The following SEC31B variants were observed in gnomAD, a reference collection of about 807,000 sequenced individuals.
SEC31B encodes the protein SEC31 homolog B, COPII component, also known as protein transport protein Sec31B.
SEC31B carries 113 observed loss-of-function variants against 135.0 expected under a neutral mutation model. The observed-to-expected ratio is 0.84, with a 90% confidence interval of 0.72 to 0.98. The LOEUF (loss-of-function observed/expected upper bound fraction) is 0.98. Among genes scored for constraint, SEC31B ranks in the 50% least tolerant of loss-of-function variants. The pLI, the probability that SEC31B is intolerant of heterozygous loss-of-function variation, is 0.00. For synonymous variants in SEC31B, 508 were observed against 549.4 expected, an observed-to-expected ratio of 0.92 and a Z score of 1.05; for missense variants, 1,296 against 1,421.1, an observed-to-expected ratio of 0.91 and a Z score of 1.42.
intron 13 of SEC31B, 43 bp from the exon 14 acceptor site, chr10:100,498,847 AAGAC>A (rs1851464082): frequency 3.5e-6 from 5 of 1,442,436 alleles, no homozygotes; most frequent in Non-Finnish European, 4.9e-6. Flanking sequence ...GGATGAACCC[AAGAC>A]AGACAGAGAG....
Position 100,518,198 on chromosome 10 carries a change from CACTTCA to C in SEC31B, c.-45-1207_-45-1202del, listed in dbSNP as rs894244953. Among the ~76,000 whole-genome samples the C allele has an allele frequency of 2.6e-5, 4 of 152,310 alleles. No individual in the cohort carries two copies. The South Asian group carries it at 8.3e-4, about 32-fold the overall frequency. On this transcript the variant is annotated intron_variant, in intron 1 of 25. Coordinates refer to ENST00000370345, the MANE Select transcript of SEC31B (RefSeq NM_015490.4). ...GCCCTGCCCAAAGGCTCCAGCCTACCACTTCAACTTCATCTTTTAATACTTTTCTCA... is the reference window on the plus strand; with the variant it reads ...GCCCTGCCCAAAGGCTCCAGCCTACCACTTCATCTTTTAATACTTTTCTCA...
At chr10:100,500,050 G>A (rs1851489051) in intron 11 of SEC31B, 1 of 456,636 alleles carries the variant, frequency 2.2e-6, no homozygotes, top group South Asian at 1.6e-5. Context: ...TTTTAGAATT[G>A]GTACAAGAGA....
rs1256402745 is a variant in SEC31B at position 100,495,433 on chromosome 10, G to A, written c.2424C>T (p.His808=). 1 of 1,614,106 alleles carries A rather than the reference G, an allele frequency of 6.2e-7. No homozygotes were observed. The highest frequency in any genetic ancestry group is 1.1e-5 in the South Asian group (1 of 91,050). ...ATCTGTAAGATGATGTCTCTTTAGA[G>A]TGGAGGGTAGCTCCCACAACAATCC... ...FPRIVVGATL[H]SKETSSYRLG... is the part of the protein sequence containing the mutation. Residue 808 remains histidine, a synonymous_variant, in exon 19 of 26, where the codon CAC becomes CAT. Coordinates refer to ENST00000370345, the MANE Select transcript of SEC31B (RefSeq NM_015490.4).
At chr10:100,507,386 C>T (rs752941371) in intron 7 of SEC31B, 39 bp downstream of exon 7, 2 of 1,613,696 alleles carry the variant, frequency 1.2e-6, no homozygotes, top group South Asian at 1.1e-5. Flanking sequence ...GTTATATCCA[C>T]CATCCCCCCA....
In SEC31B at chr10:100,497,728, C is replaced by A. The variant is rs1258199159; in HGVS notation, c.1929G>T (p.Trp643Cys). The change falls in exon 16 of 26, where the codon TGG becomes TGT. Residue 643 changes from tryptophan (W) to cysteine (C), a missense_variant. Transcript: ENST00000370345. Reference sequence around the variant, plus strand: ...TCAGTAGCAAAGCCAGTGCCTCTCTCCAGTTCTTCAGGCTACAGGTACACA... The same window carrying A: ...TCAGTAGCAAAGCCAGTGCCTCTCTACAGTTCTTCAGGCTACAGGTACACA... ...DVVCTCSLKNWREALALLLTY... is the reference protein window; with the variant it reads ...DVVCTCSLKNCREALALLLTY... 1 of 1,614,222 alleles carries A rather than the reference C, an allele frequency of 6.2e-7. No homozygotes were observed. The highest frequency in any genetic ancestry group is 1.7e-5 in the Admixed American group (1 of 60,024).
rs1167850594 is a variant in SEC31B, at chr10:100,495,449, A to T, written c.2408T>A (p.Val803Glu). The stretch of plus-strand genomic sequence containing the variant: ...CTCTTTAGAGTGGAGGGTAGCTCCC[A>T]CAACAATCCGGGGGAAGGGGAAAGG... ...SPPFPFPRIV[V>E]GATLHSKETS... The change falls in exon 19 of 26, where the codon GTG becomes GAG. Residue 803 changes from valine (V) to glutamate (E), a missense_variant. Transcript: ENST00000370345. 1.2e-6 allele frequency: 2 copies of T among 1,613,814 alleles called. No individual in the cohort carries two copies. Among genetic ancestry groups the T allele is most frequent in the South Asian group, 1.1e-5 (1 of 91,048 alleles).
chr10:100,510,592 A>G (rs1044193188), intron 3 of SEC31B, among the ~76,000 whole-genome samples: 2 of 152,242 alleles, frequency 1.3e-5, no homozygotes, highest in East Asian at 3.8e-4. Context: ...CCTTTGGAGA[A>G]GCCAGATATC....
chr10:100,494,451 T>C (rs911006308), intron 19 of SEC31B, among the ~76,000 whole-genome samples: 1 of 152,202 alleles, frequency 6.6e-6, no homozygotes, highest in Non-Finnish European at 1.5e-5. Flanking sequence ...AAGTTTAAGT[T>C]CTTTAGCACA....
rs751891158 is a variant in SEC31B, at chr10:100,507,934, T to C, written c.613A>G (p.Ile205Val). ...CTGTTGCTGTGATCACTGACTTTGA[T>C]GATAGGTTCATTCTTCCTGAGATCC... Reference protein sequence around the residue: ...VWDLRKNEPIIKVSDHSNRMH... With the variant: ...VWDLRKNEPIVKVSDHSNRMH... Residue 205 changes from isoleucine (I) to valine (V), a missense_variant, in exon 6 of 26, where the codon ATC (isoleucine) becomes GTC (valine). By Grantham distance (29) the Ile-to-Val change is conservative. Transcript: ENST00000370345. 87 of 1,614,104 alleles carry C rather than the reference T, an allele frequency of 5.4e-5. 1 individual carries two copies. The South Asian group carries it at 7.4e-4, about 14-fold the overall frequency.
chr10:100,490,670 T>C, intron 20 of SEC31B, 36 bp downstream of exon 20: 1 of 1,517,774 alleles, frequency 6.6e-7, no homozygotes, highest in Non-Finnish European at 8.8e-7. Flanking sequence ...GAGACCTCTG[T>C]GCTCTGCCCA....
intron 3 of SEC31B, among the ~76,000 whole-genome samples, chr10:100,514,213 T>G (rs1256631782): frequency 2.6e-5 from 4 of 151,954 alleles, no homozygotes; most frequent in Non-Finnish European, 5.9e-5. Flanking sequence ...AAAAAGCCAT[T>G]AAAATCTCTG....
intron 24 of SEC31B, 102 bp downstream of exon 24, chr10:100,488,756 G>T: frequency 7.1e-7 from 1 of 1,401,468 alleles, no homozygotes; most frequent in Non-Finnish European, 9.5e-7. Flanking sequence ...CATGTCCAGG[G>T]GCAGTGAGAA....
intron 3 of SEC31B, among the ~76,000 whole-genome samples, chr10:100,513,144 A>G (rs1322382503): frequency 1.3e-5 from 2 of 152,246 alleles, no homozygotes; most frequent in East Asian, 1.9e-4. Context: ...TGGGTGTCTA[A>G]GATGATTTCT....
chr10:100,517,032 TC>T, intron 1 of SEC31B, 35 bp from the exon 2 acceptor site: 1 of 1,046,332 alleles, frequency 9.6e-7, no homozygotes, highest in Non-Finnish European at 1.5e-6. Flanking sequence ...AACAGCCAGA[TC>T]CAGGGAGCAT....
Position 100,508,548 on chromosome 10 carries a change from A to C in SEC31B, c.495+459T>G, listed in dbSNP as rs1305897042. On this transcript the variant is annotated intron_variant, in intron 5 of 25. Transcript: ENST00000370345. ...TACAGATTGACAGACAGCCTCTCCA[A>C]GACAGAAGACCAGACCCCCAACTGC... 3.0e-5 allele frequency: 14 copies of C among 463,240 alleles called. No homozygotes were observed. The Admixed American group carries it at 3.3e-4, about 11-fold the overall frequency. 28.7% of individuals were successfully genotyped at this position (463,240 alleles called of 1,614,324 possible). A position where few individuals can be genotyped will look rare whatever the true frequency, so the allele number is the denominator to read the frequency against.
chr10:100,514,582 G>A (rs1239927790), intron 3 of SEC31B, among the ~76,000 whole-genome samples: 1 of 151,076 alleles, frequency 6.6e-6, no homozygotes, highest in Non-Finnish European at 1.5e-5. Flanking sequence ...TGCAAAATAA[G>A]AGATGCTCTC....
chr10:100,502,209 G>A, intron 11 of SEC31B, 45 bp downstream of exon 11: 1 of 1,504,692 alleles, frequency 6.6e-7, no homozygotes, highest in South Asian at 1.2e-5. Flanking sequence ...GGAGTTCCAG[G>A]CTTTGGGGAG....
chr10:100,508,413 G>A (rs1188717279), intron 5 of SEC31B: 16 of 493,492 alleles, frequency 3.2e-5, no homozygotes, highest in Non-Finnish European at 6.4e-5. Flanking sequence ...GAGAGAGTGA[G>A]GCCGAGAGAA....
At chr10:100,506,716 A>G (rs1851639503) in intron 7 of SEC31B, among the ~76,000 whole-genome samples, 1 of 152,208 alleles carries the variant, frequency 6.6e-6, no homozygotes, top group African/African-American at 2.4e-5. Context: ...CTGATTAGAC[A>G]GTAGAGATTA....
Sources: allele counts gnomAD v4.1 joint callset (sites outside exome capture counted in the v4.1 genomes callset), GRCh38; gene constraint gnomAD v4.1.1; transcripts MANE v1.5; gene names NCBI Gene and HGNC (gene_info 2026-07-23, HGNC 2026-07-21).